ADCY7: variants seen among roughly 807,000 people sequenced by gnomAD.
ADCY7 encodes the protein adenylate cyclase 7, also known as adenylate cyclase type 7.
Under a neutral mutation model 120.6 loss-of-function variants are expected in ADCY7, and 72 were observed. That is an observed-to-expected ratio of 0.60 (90% CI 0.49 to 0.73). The LOEUF is 0.73. Among genes scored for constraint, ADCY7 ranks in the 30% least tolerant of loss-of-function variants. ADCY7 has a pLI of 0.00. For missense variants in ADCY7, 1,227 were observed against 1,486.0 expected (o/e 0.83, Z 2.87); for synonymous variants, 661 against 628.0 (o/e 1.05, Z -0.78).
upstream of ADCY7, among the ~76,000 whole-genome samples, chr16:50,263,111 G>A (rs185186823): frequency 1.4e-3 from 209 of 152,282 alleles, no homozygotes; most frequent in African/African-American, 4.7e-3. Context: ...TGTGTGCTTG[G>A]GCCAGCAATG....
rs775439293 is a variant in ADCY7, at chr16:50,304,960, G to A, written c.1595+1G>A. On this transcript the variant is annotated splice_donor_variant, in intron 12 of 25. Transcript: ENST00000673801. LOFTEE classifies it high-confidence loss of function. The stretch of plus-strand genomic sequence containing the variant: ...AGCGCCACCGCCGGACCCCAGACAG[G>A]TGCGTGCCCTGCCCTCCTGGCCAAG... 4 of 1,613,408 alleles carry A rather than the reference G, an allele frequency of 2.5e-6. No homozygotes were observed. The highest frequency in any genetic ancestry group is 1.1e-5 in the South Asian group (1 of 91,082).
chr16:50,258,797 G>A (rs777572860), intron 1 of ADCY7, among the ~76,000 whole-genome samples: 55 of 152,022 alleles, frequency 3.6e-4, no homozygotes, highest in African/African-American at 1.0e-3. Flanking sequence ...CTGTTGCGCC[G>A]GCTGGTCTTG....
chr16:50,299,378 G>C (rs973543668), intron 8 of ADCY7, among the ~76,000 whole-genome samples: 1 of 152,250 alleles, frequency 6.6e-6, no homozygotes, highest in African/African-American at 2.4e-5. Flanking sequence ...TTCCGACCCA[G>C]GGGTCGACTC....
chr16:50,316,070 ACT>A lies in ADCY7; in HGVS notation c.*566_*567del, dbSNP rs2036785285. On this transcript the variant is annotated 3_prime_UTR_variant, in exon 26 of 26. Coordinates refer to ENST00000673801, the MANE Select transcript of ADCY7 (RefSeq NM_001114.5). ...TAGAGAGAAAAACACCACAATTAACACTGTTACTTTTTGCCTTGTCTGGCATG... is the reference window on the plus strand; with the variant it reads ...TAGAGAGAAAAACACCACAATTAACAGTTACTTTTTGCCTTGTCTGGCATG... 6.5e-6 allele frequency: 1 copy of A among 152,766 alleles called. No homozygotes were observed. Among genetic ancestry groups the A allele is most frequent in the African/African-American group, 2.4e-5 (1 of 41,422 alleles). 9.5% of individuals were successfully genotyped at this position (152,766 alleles called of 1,614,324 possible).
At position 50,285,057 on chromosome 16, in the gene ADCY7, C is replaced by T. The variant is rs570143994; in HGVS notation, c.-268-2855C>T. ...TATATGGTTAGCACACAGTAAATGC[C>T]TCTTGTGGAATACAGACTGATTAGT... On this transcript the variant is annotated intron_variant, in intron 1 of 25. Transcript: ENST00000673801. Among the ~76,000 whole-genome samples, 28 of 152,308 alleles carry T rather than the reference C, an allele frequency of 1.8e-4. No individual in the cohort carries two copies. In the South Asian group the frequency reaches 5.2e-3, roughly 28 times the overall value.
At chr16:50,267,223 C>G (rs1332960769) in intron 1 of ADCY7, among the ~76,000 whole-genome samples, 1 of 152,242 alleles carries the variant, frequency 6.6e-6, no homozygotes, top group African/African-American at 2.4e-5. Context: ...TCTCCTCTAT[C>G]CCCCAGGGAC....
chr16:50,313,849 G>A (rs546972770), intron 22 of ADCY7, 109 bp from the exon 23 acceptor site: 7 of 827,538 alleles, frequency 8.5e-6, no homozygotes, highest in East Asian at 7.5e-5. Context: ...ACGTGTGTGC[G>A]AGAGGCGGCG....
intron 1 of ADCY7, among the ~76,000 whole-genome samples, chr16:50,285,626 C>T (rs752222323): frequency 7.9e-5 from 12 of 152,204 alleles, no homozygotes; most frequent in Non-Finnish European, 1.6e-4. Context: ...TCACAGCCTC[C>T]CTGCCCTCTG....
Position 50,288,179 on chromosome 16 carries a change from G to A in ADCY7, c.-1G>A, listed in dbSNP as rs139493357. On this transcript the variant is annotated 5_prime_UTR_variant, in exon 2 of 26. Transcript: ENST00000673801. ...AACGACACGCGTGCCAAGGGTGGAG[G>A]ATGCCAGCCAAGGGGCGCTACTTCC... 3.2e-6 allele frequency: 5 copies of A among 1,547,230 alleles called. No homozygotes were observed. Among genetic ancestry groups the A allele is most frequent in the South Asian group, 2.4e-5 (2 of 83,664 alleles).
chr16:50,283,377 G>A lies in ADCY7; in HGVS notation c.-268-4535G>A, dbSNP rs150460827. ...TCAGTTTCAGGTGGGCTCTCTCCTT[G>A]TGGTGGCTCGGGTGTCTGCTGACAG... On this transcript the variant is annotated intron_variant, in intron 1 of 25. Coordinates refer to ENST00000673801, the MANE Select transcript of ADCY7 (RefSeq NM_001114.5). Among the ~76,000 whole-genome samples, 515 of 152,330 alleles carry A rather than the reference G, an allele frequency of 3.4e-3. 5 individuals carry two copies. Among genetic ancestry groups the A allele is most frequent in the African/African-American group, 0.012 (483 of 41,578 alleles).
At chr16:50,277,177 G>A (rs192800860) in intron 1 of ADCY7, among the ~76,000 whole-genome samples, 150 of 152,210 alleles carry the variant, frequency 9.9e-4, no homozygotes, top group African/African-American at 3.3e-3. Flanking sequence ...CCATTGTAAG[G>A]TTGTATCATA....
intron 14 of ADCY7, 150 bp downstream of exon 14, chr16:50,305,999 A>T: frequency 1.4e-5 from 10 of 707,690 alleles, no homozygotes; most frequent in Non-Finnish European, 2.2e-5. Flanking sequence ...GGCGGGGGGC[A>T]GGGGCGGGGC....
rs988824889 is a variant in ADCY7, at chr16:50,315,743, T to A, written c.*238T>A. ...AAGCTCTGTGCCTGGTCTGTAACAG[T>A]TTCCAGGCCAGCTGGAGAATGTTCA... On this transcript the variant is annotated 3_prime_UTR_variant, in exon 26 of 26. Coordinates refer to ENST00000673801, the MANE Select transcript of ADCY7 (RefSeq NM_001114.5). 6 of 447,962 alleles carry A rather than the reference T, an allele frequency of 1.3e-5. No homozygotes were observed. The highest frequency in any genetic ancestry group is 1.2e-4 in the African/African-American group (6 of 51,000). The allele number at this position is 447,962 out of a possible 1,614,324, so 27.7% of individuals were successfully genotyped here. A position where few individuals can be genotyped will look rare whatever the true frequency, so the allele number is the denominator to read the frequency against.
upstream of ADCY7, among the ~76,000 whole-genome samples, chr16:50,263,119 A>G: frequency 6.6e-6 from 1 of 152,148 alleles, no homozygotes; most frequent in Admixed American, 6.5e-5. Flanking sequence ...TGGGCCAGCA[A>G]TGTGGTGTCT....
At chr16:50,255,293 A>G (rs1185060227) in intron 1 of ADCY7, among the ~76,000 whole-genome samples, 2 of 149,510 alleles carry the variant, frequency 1.3e-5, no homozygotes, top group African/African-American at 2.4e-5. Flanking sequence ...TGAGCCAATT[A>G]AAATATATAT....
chr16:50,309,409 G>C, intron 17 of ADCY7, 139 bp from the exon 18 acceptor site: 1 of 659,728 alleles, frequency 1.5e-6, no homozygotes. Flanking sequence ...ACGGCGGCTT[G>C]AGCCGTGCTC....
Position 50,315,579 on chromosome 16 carries a change from C to G in ADCY7, c.*74C>G. 5.8e-6 allele frequency: 9 copies of G among 1,552,182 alleles called. No homozygotes were observed. The highest frequency in any genetic ancestry group is 7.9e-6 in the Non-Finnish European group (9 of 1,138,594). ...GAAGCAAGCCCAGGAGAAGACTCTC[C>G]GCCCCACGCCAATCCCAAAGGCATG... On this transcript the variant is annotated 3_prime_UTR_variant, in exon 26 of 26. Coordinates refer to ENST00000673801, the MANE Select transcript of ADCY7 (RefSeq NM_001114.5).
chr16:50,309,658 G>C lies in ADCY7; in HGVS notation c.2160+12G>C. The C allele has an allele frequency of 6.2e-7, 1 of 1,605,330 alleles. No homozygotes were observed. Among genetic ancestry groups the C allele is most frequent in the Non-Finnish European group, 8.5e-7 (1 of 1,179,288 alleles). Reference sequence around the variant, plus strand: ...GTGAGCCCCTCCCGGTGAGTGCGCCGGGCCCGGCTCCGTGGCCTCATTCAG... The same window carrying C: ...GTGAGCCCCTCCCGGTGAGTGCGCCCGGCCCGGCTCCGTGGCCTCATTCAG... On this transcript the variant is annotated intron_variant, in intron 18 of 25. Coordinates refer to ENST00000673801, the MANE Select transcript of ADCY7 (RefSeq NM_001114.5).
intron 24 of ADCY7, 99 bp downstream of exon 24, chr16:50,314,505 G>C: frequency 2.4e-6 from 2 of 842,558 alleles, no homozygotes; most frequent in Non-Finnish European, 3.8e-6. Context: ...ATTATGAAAG[G>C]TTTTAGAAAT....
Sources: gnomAD v4.1 joint callset for allele counts (sites outside exome capture counted in the v4.1 genomes callset) on GRCh38, gnomAD v4.1.1 for gene constraint, MANE v1.5 for transcripts, NCBI Gene and HGNC (gene_info 2026-07-23, HGNC 2026-07-21) for gene names.